RIDA: variants seen among roughly 807,000 people sequenced by gnomAD.
The protein encoded by RIDA is 2-iminobutanoate/2-iminopropanoate deaminase.
In RIDA, 17 loss-of-function variants were observed where a neutral mutation model predicts 17.8. That is an observed-to-expected ratio of 0.96 (90% confidence interval 0.65 to 1.43). RIDA has a LOEUF of 1.43. RIDA is among the 40% of genes most tolerant of loss of function. RIDA has a pLI of 0.00. For synonymous variants in RIDA, 48 were observed against 55.7 expected (o/e 0.86, Z 0.62); for missense variants, 158 against 161.7 (o/e 0.98, Z 0.12).
chr8:98,113,046 C>T (rs1815750123), intron 1 of RIDA, among the ~76,000 whole-genome samples: 1 of 152,144 alleles, frequency 6.6e-6, no homozygotes, highest in Non-Finnish European at 1.5e-5. Context: ...TTTAAAAGTG[C>T]ACTGTTCTAC....
Position 98,104,499 on chromosome 8 carries a change from G to A in RIDA, c.341C>T (p.Ala114Val), listed in dbSNP as rs146537203. The A allele has an allele frequency of 4.0e-4, 637 of 1,587,172 alleles. No homozygotes were observed. Among genetic ancestry groups the A allele is most frequent in the Non-Finnish European group, 5.1e-4 (594 of 1,156,308 alleles). ...TTAAAGTGTACTTACTTTGGGTAAA[G>A]CAGCAACTTGGTAAGCAGCTCTAGC... Reference protein sequence around the residue: ...FPARAAYQVAALPKGSRIEIE... With the variant: ...FPARAAYQVAVLPKGSRIEIE... Residue 114 changes from alanine (A) to valine (V), a missense_variant, in exon 5 of 6, where the codon GCT becomes GTT. Physicochemically the swap from Ala to Val is moderately conservative, Grantham distance 64. Transcript: ENST00000254878.
intron 2 of RIDA, among the ~76,000 whole-genome samples, chr8:98,108,099 G>C (rs2130551742): frequency 6.6e-6 from 1 of 152,058 alleles, no homozygotes; most frequent in Non-Finnish European, 1.5e-5. Flanking sequence ...ATTTTTAGTA[G>C]AGATGGGGTT....
rs537341100 is a variant in RIDA at position 98,103,800 on chromosome 8, C to A, written c.351+689G>T. On this transcript the variant is annotated intron_variant, in intron 5 of 5. Coordinates refer to ENST00000254878, the MANE Select transcript of RIDA (RefSeq NM_005836.3). ...TACAGGCGTCCGCCACCACACCCGG[C>A]TAATTTTTTTTTGTATTTTTAGTAG... 3.1e-4 allele frequency among the ~76,000 whole-genome samples: 47 copies of A among 152,066 alleles called. 1 individual carries two copies. The highest frequency in any genetic ancestry group is 1.9e-4 in the East Asian group (1 of 5,158).
At chr8:98,113,096 A>AGG (rs1815750964) in intron 1 of RIDA, among the ~76,000 whole-genome samples, 1 of 152,228 alleles carries the variant, frequency 6.6e-6, no homozygotes, top group Admixed American at 6.5e-5. Context: ...AAAGCATTCT[A>AGG]ATAATTCTCA....
chr8:98,114,846 AG>A (rs1441476156), intron 1 of RIDA, among the ~76,000 whole-genome samples: 1 of 152,166 alleles, frequency 6.6e-6, no homozygotes, highest in African/African-American at 2.4e-5. Context: ...ATACACAGTA[AG>A]ACTTATACAC....
chr8:98,104,366 G>A lies in RIDA; in HGVS notation c.351+123C>T, dbSNP rs1026398922. ...CCTCTCAAAGCACTGGGATTACAGG[G>A]GTAAGCCACCCTGCCCAGGCTACTT... is the stretch of plus-strand genomic sequence containing the variant. On this transcript the variant is annotated intron_variant, in intron 5 of 5. Transcript: ENST00000254878. 7 of 747,740 alleles carry A rather than the reference G, an allele frequency of 9.4e-6. No individual in the cohort carries two copies. In the African/African-American group the frequency reaches 1.1e-4, roughly 11 times the overall value. The allele number at this position is 747,740 out of a possible 1,614,324, so 46.3% of individuals were successfully genotyped here.
chr8:98,108,750 G>C lies in RIDA; in HGVS notation c.67C>G (p.Gln23Glu), dbSNP rs1485718866. The change falls in exon 2 of 6, where the codon CAA (glutamine) becomes GAA (glutamate). Residue 23 changes from glutamine to glutamate, a missense_variant and splice_region_variant. Coordinates refer to ENST00000254878, the MANE Select transcript of RIDA (RefSeq NM_005836.3). ...KAPGAIGPYS[Q>E]AVLVDRTIYI... ...ATGGTCCTGTCGACTAATACAGCTT[G>C]ACTGCAATAAACAGAAAGCTAGTGT... The C allele has an allele frequency of 2.5e-6, 4 of 1,588,658 alleles. No individual in the cohort carries two copies. The highest frequency in any genetic ancestry group is 3.5e-6 in the Non-Finnish European group (4 of 1,157,476).
At chr8:98,104,825 C>T (rs1815610735) in intron 4 of RIDA, among the ~76,000 whole-genome samples, 1 of 152,080 alleles carries the variant, frequency 6.6e-6, no homozygotes, top group South Asian at 2.1e-4. Context: ...ATTCTCCTGC[C>T]TCAGCCTCCC....
In RIDA at chr8:98,105,082, T is replaced by C. The variant is rs367721501; in HGVS notation, c.296-538A>G. Among the ~76,000 whole-genome samples, 6 of 135,736 alleles carry C rather than the reference T, an allele frequency of 4.4e-5. No individual in the cohort carries two copies. In the South Asian group the frequency reaches 1.3e-3, roughly 30 times the overall value. The allele number at this position is 135,736 out of a possible 152,430, so 89.0% of individuals were successfully genotyped here. On this transcript the variant is annotated intron_variant, in intron 4 of 5. Transcript: ENST00000254878. Reference sequence around the variant, plus strand: ...AAAATATTTTGCCATATGATTCCTATGATAGTTAATACTTTTTAAAATCTC... The same window carrying C: ...AAAATATTTTGCCATATGATTCCTACGATAGTTAATACTTTTTAAAATCTC...
chr8:98,111,940 GTTT>G (rs1281189721), intron 1 of RIDA, among the ~76,000 whole-genome samples: 1 of 151,754 alleles, frequency 6.6e-6, no homozygotes, highest in African/African-American at 2.4e-5. Flanking sequence ...TATTCATCCA[GTTT>G]TTTTAATGAA....
At chr8:98,112,721 T>G (rs1334772544) in intron 1 of RIDA, among the ~76,000 whole-genome samples, 2 of 152,318 alleles carry the variant, frequency 1.3e-5, no homozygotes, top group Middle Eastern at 3.4e-3. Context: ...AGTAACACTG[T>G]TTTTTATTAA....
At chr8:98,108,809 T>A (rs79587389) in intron 1 of RIDA, 58 bp from the exon 2 acceptor site, 1 of 983,336 alleles carries the variant, frequency 1.0e-6, no homozygotes. Flanking sequence ...AATTCAATGC[T>A]AGAAGACTTT....
At chr8:98,116,827 C>T (rs1020073955) in intron 1 of RIDA, among the ~76,000 whole-genome samples, 1 of 152,216 alleles carries the variant, frequency 6.6e-6, no homozygotes, top group East Asian at 1.9e-4. Context: ...AGCGAGGCAG[C>T]CCCAGAACGA....
At chr8:98,109,972 G>A (rs1296221604) in intron 1 of RIDA, among the ~76,000 whole-genome samples, 2 of 152,072 alleles carry the variant, frequency 1.3e-5, no homozygotes, top group Non-Finnish European at 2.9e-5. Flanking sequence ...AAGAGTTTAC[G>A]TGAATGTTCA....
intron 1 of RIDA, among the ~76,000 whole-genome samples, chr8:98,116,227 A>G (rs1419834669): frequency 1.3e-5 from 2 of 152,150 alleles, no homozygotes; most frequent in East Asian, 3.8e-4. Context: ...CTTCCACCCC[A>G]AGTTAAAATC....
Position 98,102,833 on chromosome 8 carries a change from T to G in RIDA, c.*9A>C. On this transcript the variant is annotated 3_prime_UTR_variant, in exon 6 of 6. Coordinates refer to ENST00000254878, the MANE Select transcript of RIDA (RefSeq NM_005836.3). Reference sequence around the variant, plus strand: ...TTAACAATTCCAGACTACACAGCACTGGGCCCACTTATAGTGATGCCGTTG... The same window carrying G: ...TTAACAATTCCAGACTACACAGCACGGGGCCCACTTATAGTGATGCCGTTG... 1 of 1,599,692 alleles carries G rather than the reference T, an allele frequency of 6.3e-7. No homozygotes were observed. Among genetic ancestry groups the G allele is most frequent in the Non-Finnish European group, 8.6e-7 (1 of 1,168,572 alleles).
intron 1 of RIDA, among the ~76,000 whole-genome samples, chr8:98,115,307 GA>G (rs1815789401): frequency 7.0e-6 from 1 of 143,088 alleles, no homozygotes; most frequent in African/African-American, 2.6e-5. Flanking sequence ...AGAATCACTT[GA>G]ATCTGTGGGG....
At chr8:98,116,922 G>C in intron 1 of RIDA, 110 bp downstream of exon 1, 1 of 879,116 alleles carries the variant, frequency 1.1e-6, no homozygotes, top group Non-Finnish European at 1.8e-6. Flanking sequence ...TTACTTTCCA[G>C]GCTCAATTTC....
chr8:98,111,824 T>C (rs955380773), intron 1 of RIDA, among the ~76,000 whole-genome samples: 16 of 152,074 alleles, frequency 1.1e-4, no homozygotes, highest in African/African-American at 3.4e-4. Context: ...GTTCATATGG[T>C]TCAAAAATCC....
Sources: gnomAD v4.1 joint callset for allele counts (sites outside exome capture counted in the v4.1 genomes callset) on GRCh38, gnomAD v4.1.1 for gene constraint, MANE v1.5 for transcripts, NCBI Gene and HGNC (gene_info 2026-07-23, HGNC 2026-07-21) for gene names.